B3GNT3: variants seen among roughly 807,000 people sequenced by gnomAD.
B3GNT3 encodes the protein N-acetyllactosaminide beta-1,3-N-acetylglucosaminyltransferase 3.
Under a neutral mutation model 11.6 loss-of-function variants are expected in B3GNT3, and 7 were observed. The observed-to-expected ratio is 0.60, with a 90% CI of 0.34 to 1.13. B3GNT3 has a LOEUF of 1.13. B3GNT3 is among the 50% of genes most tolerant of loss of function. The pLI, the probability that B3GNT3 is intolerant of heterozygous loss-of-function variation, is 0.03. For synonymous variants in B3GNT3, 201 were observed against 222.1 expected (o/e 0.90, Z 0.85); for missense variants, 400 against 507.4 (o/e 0.79, Z 2.03).
rs1340326064 is a variant in B3GNT3 at position 17,808,167 on chromosome 19, T to C, written c.360T>C (p.Tyr120=). The change falls in exon 2 of 3, where the codon TAT becomes TAC. Residue 120 remains tyrosine (Y), a synonymous_variant. Coordinates refer to ENST00000318683, the MANE Select transcript of B3GNT3 (RefSeq NM_014256.4). ...LLVIKSSPSN[Y]VRRELLRRTW... is the part of the protein sequence containing the mutation. ...TGATCAAGTCCTCCCCTAGCAACTA[T>C]GTGCGCCGCGAGCTGCTGCGGCGCA... The C allele has an allele frequency of 2.5e-6, 4 of 1,611,536 alleles. No individual in the cohort carries two copies. The highest frequency in any genetic ancestry group is 2.2e-5 in the South Asian group (2 of 90,950).
intron 1 of B3GNT3, among the ~76,000 whole-genome samples, chr19:17,807,040 A>G (rs2094173911): frequency 6.7e-6 from 1 of 150,284 alleles, no homozygotes. Context: ...TGGTGGACTC[A>G]TGGTCACTGA....
chr19:17,808,456 A>G (rs1036586156), intron 2 of B3GNT3, 82 bp downstream of exon 2: 1 of 1,401,432 alleles, frequency 7.1e-7, no homozygotes, highest in Non-Finnish European at 9.6e-7. Context: ...GACCCAGGGG[A>G]CCAGAAGTCC....
chr19:17,810,686 A>G (rs1311346295), intron 2 of B3GNT3, among the ~76,000 whole-genome samples: 3 of 151,992 alleles, frequency 2.0e-5, no homozygotes, highest in African/African-American at 7.3e-5. Context: ...GTTCAAGACC[A>G]GCCTGACCAA....
intron 1 of B3GNT3, among the ~76,000 whole-genome samples, chr19:17,797,008 C>A (rs961544030): frequency 1.3e-5 from 2 of 152,104 alleles, no homozygotes; most frequent in African/African-American, 4.8e-5. Context: ...ACCAACGTGG[C>A]AAACTAAAGG....
At chr19:17,797,390 G>A (rs2094160639) in intron 1 of B3GNT3, among the ~76,000 whole-genome samples, 1 of 152,158 alleles carries the variant, frequency 6.6e-6, no homozygotes, top group Non-Finnish European at 1.5e-5. Flanking sequence ...GGAGACCTCA[G>A]TTCCCCCATC....
intron 1 of B3GNT3, among the ~76,000 whole-genome samples, chr19:17,798,969 T>C (rs1338059462): frequency 6.6e-6 from 1 of 151,908 alleles, no homozygotes; most frequent in African/African-American, 2.4e-5. Flanking sequence ...CAAGATCCTG[T>C]CTCAAGAAAA....
In B3GNT3 at chr19:17,807,111, A is replaced by AGTGTGTGTGTGTGTGTGTGTGTGTGT. The variant is rs56140662; in HGVS notation, c.-50-638_-50-613dup. 7.2e-3 allele frequency among the ~76,000 whole-genome samples: 838 copies of AGTGTGTGTGTGTGTGTGTGTGTGTGT among 116,270 alleles called. 28 individuals are homozygous for AGTGTGTGTGTGTGTGTGTGTGTGTGT. Among genetic ancestry groups the AGTGTGTGTGTGTGTGTGTGTGTGTGT allele is most frequent in the East Asian group, 0.026 (110 of 4,164 alleles). The allele number at this position is 116,270 out of a possible 152,430, so 76.3% of individuals were successfully genotyped here. A position where few individuals can be genotyped will look rare whatever the true frequency, so the allele number is the denominator to read the frequency against. ...TTTGCAGTCAGGGAGCAGTGGCCCCAGTGTGTGTGTGTGTGTGTGTGTGTG... is the reference window on the plus strand; with the variant it reads ...TTTGCAGTCAGGGAGCAGTGGCCCCAGTGTGTGTGTGTGTGTGTGTGTGTGTGTGTGTGTGTGTGTGTGTGTGTGTG... On this transcript the variant is annotated intron_variant, in intron 1 of 2. Transcript: ENST00000318683.
chr19:17,803,853 TA>T (rs11318875), intron 1 of B3GNT3, among the ~76,000 whole-genome samples: 23,716 of 140,242 alleles, frequency 0.17, 2,150 homozygotes, highest in African/African-American at 0.27. Context: ...ATCCTATCAC[TA>T]AAAAAAAAAA....
intron 1 of B3GNT3, among the ~76,000 whole-genome samples, chr19:17,803,340 A>G (rs915070756): frequency 2.0e-5 from 3 of 152,088 alleles, no homozygotes; most frequent in Non-Finnish European, 4.4e-5. Context: ...GGAGCAGATG[A>G]GTGAGGGCAG....
Position 17,807,966 on chromosome 19 carries a change from C to T in B3GNT3, c.159C>T (p.Pro53=), listed in dbSNP as rs1241582532. ...IPEALAWPTP[P]TRPAPAPCHA... ...AGGCCCTGGCCTGGCCCACTCCACC[C>T]ACCCGCCCAGCCCCGGCCCCGTGCC... The change falls in exon 2 of 3, where the codon CCC becomes CCT. Residue 53 remains proline, a synonymous_variant. Transcript: ENST00000318683. The T allele has an allele frequency of 6.2e-7, 1 of 1,608,938 alleles. No homozygotes were observed. The highest frequency in any genetic ancestry group is 1.7e-5 in the Admixed American group (1 of 59,834).
chr19:17,804,246 T>TC (rs2094169992), intron 1 of B3GNT3, among the ~76,000 whole-genome samples: 1 of 147,464 alleles, frequency 6.8e-6, no homozygotes, highest in African/African-American at 2.5e-5. Context: ...TTTTCTTTTT[T>TC]TTTTTTTTTT....
chr19:17,809,988 G>A (rs1224095283), intron 2 of B3GNT3, among the ~76,000 whole-genome samples: 1 of 152,142 alleles, frequency 6.6e-6, no homozygotes, highest in African/African-American at 2.4e-5. Context: ...CCTCACTGCA[G>A]TTTTCTCTGG....
chr19:17,805,013 A>T (rs750146879), intron 1 of B3GNT3, among the ~76,000 whole-genome samples: 3 of 151,518 alleles, frequency 2.0e-5, no homozygotes, highest in Non-Finnish European at 4.4e-5. Flanking sequence ...CACTCAGCTA[A>T]TTTTGTTTCA....
At chr19:17,797,485 C>T (rs2094160754) in intron 1 of B3GNT3, among the ~76,000 whole-genome samples, 1 of 152,128 alleles carries the variant, frequency 6.6e-6, no homozygotes, top group South Asian at 2.1e-4. Context: ...ATGGAGTGAG[C>T]CCAAAGATGC....
intron 1 of B3GNT3, among the ~76,000 whole-genome samples, chr19:17,798,891 G>A (rs1012882827): frequency 3.3e-5 from 5 of 151,970 alleles, no homozygotes; most frequent in African/African-American, 4.8e-5. Context: ...GATCAGTTGA[G>A]CCCTGGAGTT....
Position 17,812,173 on chromosome 19 carries a change from C to A in B3GNT3, c.*51C>A. On this transcript the variant is annotated 3_prime_UTR_variant, in exon 3 of 3. Coordinates refer to ENST00000318683, the MANE Select transcript of B3GNT3 (RefSeq NM_014256.4). ...GGGCTCCTGTTTCCATAGGAAGGGG[C>A]GACACCTTCCTCCCAGGAAGCTGAG... 6.7e-7 allele frequency: 1 copy of A among 1,500,336 alleles called. No homozygotes were observed. 92.9% of individuals were successfully genotyped at this position (1,500,336 alleles called of 1,614,324 possible). A position where few individuals can be genotyped will look rare whatever the true frequency, so the allele number is the denominator to read the frequency against.
At chr19:17,798,233 C>T (rs886693028) in intron 1 of B3GNT3, among the ~76,000 whole-genome samples, 2 of 152,190 alleles carry the variant, frequency 1.3e-5, no homozygotes, top group African/African-American at 2.4e-5. Context: ...GGTGTATCAG[C>T]GTCCTGGGCA....
At position 17,807,318 on chromosome 19, in the gene B3GNT3, C is replaced by T. The variant is rs562840295; in HGVS notation, c.-50-440C>T. On this transcript the variant is annotated intron_variant, in intron 1 of 2. Coordinates refer to ENST00000318683, the MANE Select transcript of B3GNT3 (RefSeq NM_014256.4). ...CAGCCTGGCCAACATGGTAAAACCC[C>T]GTCTCTACTAAAAATACAAAAAAAT... Among the ~76,000 whole-genome samples the T allele has an allele frequency of 2.0e-5, 3 of 151,562 alleles. No individual in the cohort carries two copies. The East Asian group carries it at 5.9e-4, about 30-fold the overall frequency.
chr19:17,799,352 T>A (rs1231684918), intron 1 of B3GNT3, among the ~76,000 whole-genome samples: 1 of 139,956 alleles, frequency 7.1e-6, no homozygotes, highest in Non-Finnish European at 1.5e-5. Flanking sequence ...CCCTGTAACC[T>A]CCACCTCCTG....
Sources: gnomAD v4.1 joint callset for allele counts (sites outside exome capture counted in the v4.1 genomes callset) on GRCh38, gnomAD v4.1.1 for gene constraint, MANE v1.5 for transcripts, NCBI Gene and HGNC (gene_info 2026-07-23, HGNC 2026-07-21) for gene names.